Variants in PBX1 observed in about 807,000 individuals in gnomAD.
PBX1 encodes the protein PBX homeobox 1, also known as pre-B-cell leukemia transcription factor 1.
PBX1 carries 6 observed loss-of-function variants against 53.4 expected under a neutral mutation model. The observed-to-expected ratio is 0.11, with a 90% CI of 0.06 to 0.22. The LOEUF is 0.22. PBX1 is among the 10% of genes least tolerant of loss of function. The probability of loss-of-function intolerance (pLI) is 1.00; values close to 1 mark genes in which losing one functional copy is unlikely to be tolerated. For missense variants in PBX1, 251 were observed against 551.4 expected (o/e 0.46, Z 5.46); for synonymous variants, 204 against 212.3 (o/e 0.96, Z 0.34).
intron 2 of PBX1, among the ~76,000 whole-genome samples, chr1:164,711,080 C>T (rs1377024526): frequency 6.6e-6 from 1 of 152,074 alleles, no homozygotes; most frequent in Non-Finnish European, 1.5e-5. Flanking sequence ...TTCTTCTGCT[C>T]ATTTCTTACC....
At chr1:164,735,313 A>G (rs958621603) in intron 2 of PBX1, among the ~76,000 whole-genome samples, 1 of 152,244 alleles carries the variant, frequency 6.6e-6, no homozygotes, top group Admixed American at 6.5e-5. Flanking sequence ...TTATGCGTCT[A>G]TAAAACATGT....
intron 1 of PBX1, among the ~76,000 whole-genome samples, chr1:164,561,129 G>A (rs1182588313): frequency 2.0e-5 from 3 of 152,164 alleles, no homozygotes; most frequent in African/African-American, 7.2e-5. Flanking sequence ...CAATTACCCA[G>A]CTTTGTTATA....
At chr1:164,682,503 A>G (rs544467716) in intron 2 of PBX1, 4 of 152,170 alleles carry the variant, frequency 2.6e-5, no homozygotes, top group Non-Finnish European at 5.9e-5. Flanking sequence ...GACCTCAAGG[A>G]GCTTTTATTT....
At chr1:164,581,174 C>T (rs1175200829) in intron 2 of PBX1, among the ~76,000 whole-genome samples, 2 of 151,890 alleles carry the variant, frequency 1.3e-5, no homozygotes, top group African/African-American at 4.8e-5. Context: ...CTCATCTGTC[C>T]AGTTACAGAG....
intron 2 of PBX1, among the ~76,000 whole-genome samples, chr1:164,611,600 A>G (rs1308003594): frequency 2.0e-5 from 3 of 150,350 alleles, no homozygotes; most frequent in African/African-American, 4.9e-5. Context: ...TCTCTTTTTG[A>G]TTGTCTGTTT....
downstream of PBX1, among the ~76,000 whole-genome samples, chr1:164,854,033 G>A (rs138182938): frequency 0.019 from 2,889 of 151,466 alleles, 107 homozygotes; most frequent in African/African-American, 0.064. Context: ...AGCCTCCCAA[G>A]TAGTTTGGAT....
At chr1:164,752,807 A>T (rs1666308470) in intron 2 of PBX1, among the ~76,000 whole-genome samples, 1 of 152,206 alleles carries the variant, frequency 6.6e-6, no homozygotes, top group African/African-American at 2.4e-5. Flanking sequence ...TTGGCCTGTC[A>T]TTGGGGTAAG....
chr1:164,799,394 G>A (rs577703232), intron 3 of PBX1, among the ~76,000 whole-genome samples: 12 of 152,284 alleles, frequency 7.9e-5, no homozygotes, highest in Admixed American at 7.2e-4. Context: ...CGGAGGCTGA[G>A]GCAGGAGAAT....
At position 164,609,634 on chromosome 1, in the gene PBX1, T is replaced by C. The variant is rs1465656987; in HGVS notation, c.265+46323T>C. 3.3e-5 allele frequency among the ~76,000 whole-genome samples: 5 copies of C among 152,080 alleles called. No homozygotes were observed. In the East Asian group the frequency reaches 9.7e-4, roughly 29 times the overall value. On this transcript the variant is annotated intron_variant, in intron 2 of 8. Coordinates refer to ENST00000420696, the MANE Select transcript of PBX1 (RefSeq NM_002585.4). Reference sequence around the variant, plus strand: ...TTCTTCTAGAGTACTAGGGACTGCTTTTTGAGCAAATCTGTGTGAGCCGCA... The same window carrying C: ...TTCTTCTAGAGTACTAGGGACTGCTCTTTGAGCAAATCTGTGTGAGCCGCA...
intron 2 of PBX1, among the ~76,000 whole-genome samples, chr1:164,866,926 T>G (rs1672232958): frequency 6.6e-6 from 1 of 152,214 alleles, no homozygotes; most frequent in African/African-American, 2.4e-5. Flanking sequence ...ACCTGACTCC[T>G]GATACAGTGG....
At chr1:164,694,621 T>A (rs1662700440) in intron 2 of PBX1, among the ~76,000 whole-genome samples, 1 of 152,180 alleles carries the variant, frequency 6.6e-6, no homozygotes, top group East Asian at 1.9e-4. Context: ...TCAATCCCCA[T>A]CCACAACAAG....
chr1:164,633,891 G>A (rs1298421535), intron 2 of PBX1, among the ~76,000 whole-genome samples: 1 of 152,152 alleles, frequency 6.6e-6, no homozygotes, highest in Non-Finnish European at 1.5e-5. Context: ...CAGTATATTT[G>A]TTATTATTGT....
At chr1:164,799,640 C>A in intron 3 of PBX1, 59 bp from the exon 4 acceptor site, 1 of 1,521,706 alleles carries the variant, frequency 6.6e-7, no homozygotes, top group Admixed American at 1.7e-5. Context: ...ATGTCATAGA[C>A]TTGATGCGTG....
At chr1:164,804,767 C>A (rs1237819066) in intron 4 of PBX1, among the ~76,000 whole-genome samples, 2 of 152,238 alleles carry the variant, frequency 1.3e-5, no homozygotes, top group South Asian at 2.1e-4. Flanking sequence ...AGTTGAGAAA[C>A]TCCTAGTTTC....
chr1:164,623,664 A>G (rs1010126343), intron 2 of PBX1, among the ~76,000 whole-genome samples: 5 of 151,904 alleles, frequency 3.3e-5, no homozygotes, highest in African/African-American at 1.2e-4. Flanking sequence ...GTCTCTGTCT[A>G]TGCCTTTGTG....
chr1:164,876,171 T>G (rs1672506402), intron 2 of PBX1, among the ~76,000 whole-genome samples: 2 of 151,862 alleles, frequency 1.3e-5, no homozygotes, highest in Non-Finnish European at 2.9e-5. Context: ...TTAAGCACTT[T>G]GCAAATAGAG....
Position 164,706,242 on chromosome 1 carries a change from A to G in PBX1, c.266-86252A>G, listed in dbSNP as rs142619139. On this transcript the variant is annotated intron_variant, in intron 2 of 8. Transcript: ENST00000420696. Reference sequence around the variant, plus strand: ...TGTGGGTCACTGGGCTCCTCTGGAAACTTCTGTAGGCAGGGCAGAGGTTTC... The same window carrying G: ...TGTGGGTCACTGGGCTCCTCTGGAAGCTTCTGTAGGCAGGGCAGAGGTTTC... Among the ~76,000 whole-genome samples, 177 of 152,170 alleles carry G rather than the reference A, an allele frequency of 1.2e-3. 2 individuals are homozygous for G. Among genetic ancestry groups the G allele is most frequent in the Admixed American group, 0.011 (168 of 15,286 alleles).
chr1:164,822,442 A>G (rs1247215579), intron 8 of PBX1, among the ~76,000 whole-genome samples: 1 of 152,106 alleles, frequency 6.6e-6, no homozygotes, highest in African/African-American at 2.4e-5. Flanking sequence ...GGTGGTGGGT[A>G]GTGATCATTT....
intron 2 of PBX1, among the ~76,000 whole-genome samples, chr1:164,742,166 G>C (rs1665648077): frequency 6.6e-6 from 1 of 152,108 alleles, no homozygotes; most frequent in Non-Finnish European, 1.5e-5. Context: ...TCTCAGGTAG[G>C]GAAAGACAAG....
Sources: allele counts gnomAD v4.1 joint callset (sites outside exome capture counted in the v4.1 genomes callset), GRCh38; gene constraint gnomAD v4.1.1; transcripts MANE v1.5; gene names NCBI Gene and HGNC (gene_info 2026-07-23, HGNC 2026-07-21).